The following ARHGEF6 variants were observed in gnomAD, a reference collection of about 807,000 sequenced individuals.
ARHGEF6 encodes the protein Rac/Cdc42 guanine nucleotide exchange factor 6.
Under a neutral mutation model 70.3 loss-of-function variants are expected in ARHGEF6, and 9 were observed. That is an observed-to-expected ratio of 0.13 (90% CI 0.08 to 0.22). ARHGEF6 has a LOEUF of 0.22. Among genes scored for constraint, ARHGEF6 ranks in the 10% least tolerant of loss-of-function variants. The pLI, the probability that ARHGEF6 is intolerant of heterozygous loss-of-function variation, is 1.00. For missense variants in ARHGEF6, 470 were observed against 563.0 expected (o/e 0.83, Z 1.67); for synonymous variants, 201 against 207.8 (o/e 0.97, Z 0.28).
intron 9 of ARHGEF6, among the ~76,000 whole-genome samples, chrX:136,704,871 A>G (rs762332819): frequency 1.8e-5 from 2 of 111,938 alleles, no homozygotes; most frequent in Non-Finnish European, 3.8e-5. Flanking sequence ...CAATCTCACC[A>G]TGAGAAACCA....
intron 2 of ARHGEF6, chrX:136,768,720 G>A (rs1010983547): frequency 8.9e-6 from 1 of 111,964 alleles, no homozygotes; most frequent in African/African-American, 3.3e-5. Context: ...GAGGCACCGC[G>A]CTGCTAGATA....
chrX:136,768,980 AAGAG>A (rs2077343662), intron 2 of ARHGEF6, among the ~76,000 whole-genome samples: 1 of 107,621 alleles, frequency 9.3e-6, no homozygotes, highest in African/African-American at 3.4e-5. Flanking sequence ...GAGGGGGAGA[AAGAG>A]AGGGAGAGAG....
intron 10 of ARHGEF6, among the ~76,000 whole-genome samples, chrX:136,689,622 G>A (rs1039957148): frequency 8.9e-6 from 1 of 112,065 alleles, no homozygotes; most frequent in African/African-American, 3.2e-5. Context: ...CGGCTTTCAG[G>A]CAGGTCAAAT....
At chrX:136,686,445 A>C (rs1370084516) in intron 11 of ARHGEF6, among the ~76,000 whole-genome samples, 8 of 106,761 alleles carry the variant, frequency 7.5e-5, no homozygotes, top group Admixed American at 3.1e-4. Flanking sequence ...ATACTAAATT[A>C]GTTTTTATTC....
At chrX:136,683,670 G>A (rs191027075) in intron 12 of ARHGEF6, among the ~76,000 whole-genome samples, 1 of 112,060 alleles carries the variant, frequency 8.9e-6, no homozygotes, top group Non-Finnish European at 1.9e-5. Flanking sequence ...GCTGCTGTGA[G>A]CCCCTTCAAC....
At chrX:136,697,780 T>A (rs1338521832) in intron 9 of ARHGEF6, among the ~76,000 whole-genome samples, 1 of 112,615 alleles carries the variant, frequency 8.9e-6, no homozygotes, top group East Asian at 2.8e-4. Flanking sequence ...GGGAATGAAA[T>A]CAGTATCACA....
chrX:136,748,475 A>T (rs2077118446), intron 2 of ARHGEF6, among the ~76,000 whole-genome samples: 1 of 112,611 alleles, frequency 8.9e-6, no homozygotes, highest in Non-Finnish European at 1.9e-5. Flanking sequence ...AGTGTGTTAA[A>T]ATATATTGAG....
At chrX:136,763,442 G>A (rs2077282346) in intron 2 of ARHGEF6, among the ~76,000 whole-genome samples, 1 of 112,168 alleles carries the variant, frequency 8.9e-6, no homozygotes, top group African/African-American at 3.2e-5. Context: ...TCTTCTCTGA[G>A]TACTCAGTCA....
intron 1 of ARHGEF6, 70 bp downstream of exon 1, chrX:136,780,648 A>G (rs1402673433): frequency 5.0e-6 from 5 of 1,003,326 alleles, no homozygotes; most frequent in East Asian, 3.0e-5. Context: ...AAATAGAAAA[A>G]TCTCAAGAGT....
chrX:136,686,258 T>A (rs1182480345), intron 11 of ARHGEF6, among the ~76,000 whole-genome samples: 1 of 110,866 alleles, frequency 9.0e-6, no homozygotes, highest in Non-Finnish European at 1.9e-5. Flanking sequence ...ATTGTATTTC[T>A]AACATATGCT....
Position 136,667,879 on chromosome X carries a change from G to T in ARHGEF6, c.*150C>A. On this transcript the variant is annotated 3_prime_UTR_variant, in exon 22 of 22. Transcript: ENST00000250617. ...GTGCACGCACACACATATGCACACA[G>T]CGGGGAGAGAAAGAGAAGAGAGAGG... 1 of 761,422 alleles carries T rather than the reference G, an allele frequency of 1.3e-6. No individual in the cohort carries two copies. 62.7% of individuals were successfully genotyped at this position (761,422 alleles called of 1,213,427 possible). A position where few individuals can be genotyped will look rare whatever the true frequency, so the allele number is the denominator to read the frequency against.
At chrX:136,730,691 A>G (rs1222391673) in intron 6 of ARHGEF6, among the ~76,000 whole-genome samples, 1 of 112,295 alleles carries the variant, frequency 8.9e-6, no homozygotes, top group Admixed American at 9.4e-5. Context: ...AAGCTATTCA[A>G]TGCAGAATTG....
rs997707642 is a variant in ARHGEF6 at position 136,767,557 on chromosome X, G to A, written c.249+11857C>T. 31 of 753,589 alleles carry A rather than the reference G, an allele frequency of 4.1e-5. No homozygotes were observed. In the African/African-American group the frequency reaches 7.1e-4, roughly 17 times the overall value. 62.1% of individuals were successfully genotyped at this position (753,589 alleles called of 1,213,427 possible). ...CGCTCGGCGGGCGGAGGATCGCGGG[G>A]CCGAACTGGGGGTGCCGGAGGCGCG... On this transcript the variant is annotated intron_variant, in intron 2 of 21. Transcript: ENST00000250617.
chrX:136,730,057 T>C (rs959148933), intron 6 of ARHGEF6, among the ~76,000 whole-genome samples: 2 of 110,646 alleles, frequency 1.8e-5, no homozygotes, highest in Admixed American at 1.9e-4. Flanking sequence ...CTTTTTTACA[T>C]TATTTCTGTA....
intron 18 of ARHGEF6, among the ~76,000 whole-genome samples, chrX:136,675,609 G>A (rs1356049325): frequency 3.6e-5 from 4 of 109,896 alleles, no homozygotes; most frequent in Admixed American, 9.7e-5. Flanking sequence ...TCCGCCTCCC[G>A]GGTTCACGCC....
rs2076449350 is a variant in ARHGEF6, at chrX:136,690,705, G to A, written c.1090C>T (p.Pro364Ser). 1 of 1,208,353 alleles carries A rather than the reference G, an allele frequency of 8.3e-7. No homozygotes were observed. The highest frequency in any genetic ancestry group is 1.8e-5 in the African/African-American group (1 of 56,899). ...TTTGTTGTTAAAATGAGGATACCTGGGCTCGATGCACCTTGATTTTCCATG... is the reference window on the plus strand; with the variant it reads ...TTTGTTGTTAAAATGAGGATACCTGAGCTCGATGCACCTTGATTTTCCATG... ...QFMENQGASS[P>S]GILILTTNLS... The change falls in exon 10 of 22, where the codon CCA becomes TCA. Residue 364 changes from proline (P) to serine (S), a missense_variant. Transcript: ENST00000250617.
chrX:136,690,472 G>A, intron 10 of ARHGEF6, 138 bp downstream of exon 10: 1 of 659,026 alleles, frequency 1.5e-6, no homozygotes, highest in Non-Finnish European at 2.3e-6. Flanking sequence ...CTGAGAAGAG[G>A]GAAGAACAGA....
chrX:136,675,266 A>T (rs766336269), intron 18 of ARHGEF6, among the ~76,000 whole-genome samples, 170 bp from the exon 19 acceptor site: 1 of 108,220 alleles, frequency 9.2e-6, no homozygotes, highest in East Asian at 3.0e-4. Flanking sequence ...CAGCATCCTC[A>T]TGGAGCTTTG....
intron 3 of ARHGEF6, among the ~76,000 whole-genome samples, chrX:136,746,467 C>G (rs2077096185): frequency 8.9e-6 from 1 of 112,115 alleles, no homozygotes; most frequent in African/African-American, 3.2e-5. Context: ...TACTCGATAG[C>G]TTCCTAGATG....
Sources: gnomAD v4.1 joint callset for allele counts (sites outside exome capture counted in the v4.1 genomes callset) on GRCh38, gnomAD v4.1.1 for gene constraint, MANE v1.5 for transcripts, NCBI Gene and HGNC (gene_info 2026-07-23, HGNC 2026-07-21) for gene names.